The following PUF60 variants were observed in gnomAD, a reference collection of about 807,000 sequenced individuals.
PUF60 encodes the protein poly(U)-binding-splicing factor PUF60.
A neutral mutation model predicts 61.8 loss-of-function variants in PUF60; 10 were observed. The ratio of observed to expected loss-of-function variants is 0.16; its 90% CI spans 0.10 to 0.27. The LOEUF (loss-of-function observed/expected upper bound fraction) is 0.27. Among genes scored for constraint, PUF60 ranks in the 10% least tolerant of loss-of-function variants. The pLI, the probability that PUF60 is intolerant of heterozygous loss-of-function variation, is 1.00. For missense variants in PUF60, 371 were observed against 754.0 expected (o/e 0.49, Z 5.95); for synonymous variants, 353 against 300.9 (o/e 1.17, Z -1.79).
intron 2 of PUF60, chr8:143,822,755 C>T (rs1346776290): frequency 2.8e-6 from 1 of 355,376 alleles, no homozygotes; most frequent in Non-Finnish European, 5.6e-6. Context: ...AAGAACGCAG[C>T]TGTGTGAGCA....
rs1331511277 is a variant in PUF60 at position 143,818,154 on chromosome 8, G to C, written c.603+39C>G. On this transcript the variant is annotated intron_variant, in intron 7 of 11. Transcript: ENST00000526683. The surrounding 1 kb of genome is among the most constrained non-coding windows in gnomAD (Gnocchi z 7.9). The stretch of plus-strand genomic sequence containing the variant: ...AAGGCTTCCGTGGAGGGGCAGCCCT[G>C]CACGCCTGCGGGATCGAGGCCTTGG... The C allele has an allele frequency of 6.3e-7, 1 of 1,599,540 alleles. No individual in the cohort carries two copies. The highest frequency in any genetic ancestry group is 1.3e-5 in the African/African-American group (1 of 74,548).
intron 4 of PUF60, among the ~76,000 whole-genome samples, 154 bp from the exon 5 acceptor site, chr8:143,820,870 A>T (rs1816928492): frequency 1.3e-5 from 2 of 151,960 alleles, no homozygotes; most frequent in African/African-American, 4.8e-5. Context: ...GCACCTGCCC[A>T]GGGGGGCCGC....
Position 143,816,921 on chromosome 8 carries a change from G to A in PUF60, c.1369C>T (p.Arg457Cys). 2 of 1,576,790 alleles carry A rather than the reference G, an allele frequency of 1.3e-6. No individual in the cohort carries two copies. Among genetic ancestry groups the A allele is most frequent in the East Asian group, 2.3e-5 (1 of 43,252 alleles). The part of the protein sequence containing the change: ...ARHMVMQKLL[R>C]KQESTVMVLR... ...GCCCCTCTGCCTACCTCCTGCTTGC[G>A]GAGCAGCTTCTGCATCACCATGTGT... The change falls in exon 11 of 12, where the codon CGC becomes TGC. Residue 457 changes from arginine (R) to cysteine (C), a missense_variant. Around this residue, in one of 13 missense-constraint regions of PUF60, gnomAD observed 38 missense variants for 112.9 expected, o/e 0.34. Transcript: ENST00000526683.
Position 143,824,575 on chromosome 8 carries a change from G to A in PUF60, c.25-176C>T, listed in dbSNP as rs1322738246. 16 of 625,724 alleles carry A rather than the reference G, an allele frequency of 2.6e-5. 1 individual carries two copies. The highest frequency in any genetic ancestry group is 2.1e-4 in the South Asian group (11 of 53,138). The allele number at this position is 625,724 out of a possible 1,614,324, so 38.8% of individuals were successfully genotyped here. On this transcript the variant is annotated intron_variant, in intron 1 of 11. Coordinates refer to ENST00000526683, the MANE Select transcript of PUF60 (RefSeq NM_078480.3). ...GCCCTCTCTTCACACCCATCAGCAC[G>A]CCCAGGGACCCAGTCAGAAGCAGAG... is the stretch of plus-strand genomic sequence containing the variant.
At chr8:143,820,076 C>T (rs7835924) in intron 5 of PUF60, among the ~76,000 whole-genome samples, 11,906 of 152,278 alleles carry the variant, frequency 0.078, 985 homozygotes, top group South Asian at 0.36. Flanking sequence ...CTCCTTCCCA[C>T]ACTCCTCTGC....
Position 143,816,737 on chromosome 8 carries a change from C to G in PUF60, c.1463G>C (p.Gly488Ala), listed in dbSNP as rs1289953730. The change falls in exon 12 of 12, where the codon GGC becomes GCC. Residue 488 changes from glycine (G) to alanine (A), a missense_variant. Transcript: ENST00000526683. ...DLEGEVTEEC[G>A]KFGAVNRVII... ...GACGCGGTTCACGGCCCCGAACTTG[C>G]CACACTCCTCTGTCACCTCCCCTTC... 11 of 1,613,814 alleles carry G rather than the reference C, an allele frequency of 6.8e-6. No homozygotes were observed. Among genetic ancestry groups the G allele is most frequent in the Non-Finnish European group, 9.3e-6 (11 of 1,179,886 alleles).
chr8:143,818,860 C>A lies in PUF60; in HGVS notation c.349-326G>T, dbSNP rs1816693261. The A allele has an allele frequency of 5.5e-6, 2 of 365,214 alleles. No individual in the cohort carries two copies. The highest frequency in any genetic ancestry group is 5.0e-6 in the Non-Finnish European group (1 of 201,114). 22.6% of individuals were successfully genotyped at this position (365,214 alleles called of 1,614,324 possible). On this transcript the variant is annotated intron_variant, in intron 5 of 11. Coordinates refer to ENST00000526683, the MANE Select transcript of PUF60 (RefSeq NM_078480.3). The surrounding 1 kb of genome is among the most constrained non-coding windows in gnomAD (Gnocchi z 7.9). ...CCAGACCACCCCTCCAGTCTGGGGG[C>A]TGGGTATCCCAGGCTGGGCTGGGAG...
Position 143,818,569 on chromosome 8 carries a change from C to T in PUF60, c.349-35G>A, listed in dbSNP as rs372778526. 4.6e-6 allele frequency: 7 copies of T among 1,534,028 alleles called. No individual in the cohort carries two copies. The highest frequency in any genetic ancestry group is 2.0e-5 in the Admixed American group (1 of 51,020). The stretch of plus-strand genomic sequence containing the variant: ...GACAGAGGGGAGAGAACCGCTGGCT[C>T]GTCAGGGGCGGCAGGAAGCTGGGCA... On this transcript the variant is annotated intron_variant, in intron 5 of 11. Transcript: ENST00000526683. This position sits in a 1 kb window ranked among gnomAD's most constrained non-coding sequence, Gnocchi z 7.9.
rs1213347325 is a variant in PUF60 at position 143,824,564 on chromosome 8, C to CGG, written c.25-166_25-165insCC. On this transcript the variant is annotated intron_variant, in intron 1 of 11. Transcript: ENST00000526683. ...CAGCCCAAACTGCCCTCTCTTCACA[C>CGG]CCATCAGCACGCCCAGGGACCCAGT... 1.1e-5 allele frequency: 7 copies of CGG among 650,186 alleles called. No individual in the cohort carries two copies. In the African/African-American group the frequency reaches 1.3e-4, roughly 12 times the overall value. The allele number at this position is 650,186 out of a possible 1,614,324, so 40.3% of individuals were successfully genotyped here.
chr8:143,822,850 G>A (rs1456933430), intron 2 of PUF60: 2 of 326,334 alleles, frequency 6.1e-6, no homozygotes, highest in Non-Finnish European at 1.2e-5. Context: ...CAAGCACAAA[G>A]ATCACTGGCC....
intron 1 of PUF60, among the ~76,000 whole-genome samples, chr8:143,825,812 G>C (rs1455944332): frequency 1.3e-5 from 2 of 152,220 alleles, no homozygotes; most frequent in African/African-American, 2.4e-5. Context: ...TTCACGACCA[G>C]TCTCCAGATA....
intron 5 of PUF60, chr8:143,820,352 C>T (rs764055852): frequency 8.8e-6 from 4 of 455,708 alleles, no homozygotes; most frequent in South Asian, 2.4e-5. Context: ...GGGCACACCC[C>T]GTGCGTGCAG....
rs1352189968 is a variant in PUF60, at chr8:143,817,192, C to A, written c.1145-47G>T. On this transcript the variant is annotated intron_variant, in intron 10 of 11. Coordinates refer to ENST00000526683, the MANE Select transcript of PUF60 (RefSeq NM_078480.3). The surrounding 1 kb of genome is among the most constrained non-coding windows in gnomAD (Gnocchi z 7.4). ...CCATCAGTCACTCCCTACCACCCCC[C>A]TTCCCAGAAAGGCACAGAGCTGGCC... 3.3e-6 allele frequency: 5 copies of A among 1,534,770 alleles called. No individual in the cohort carries two copies. The highest frequency in any genetic ancestry group is 4.4e-6 in the Non-Finnish European group (5 of 1,138,436).
chr8:143,825,167 G>A (rs577548036), intron 1 of PUF60: 1 of 152,434 alleles, frequency 6.6e-6, no homozygotes, highest in East Asian at 1.9e-4. Context: ...GCTGCACAAC[G>A]AGAAGCAAGG....
At chr8:143,829,163 C>G in intron 1 of PUF60, 117 bp downstream of exon 1, 2 of 1,220,390 alleles carry the variant, frequency 1.6e-6, no homozygotes, top group Non-Finnish European at 2.0e-6. Context: ...ACGAGGGAGT[C>G]CGCGCGGGAC....
In PUF60 at chr8:143,818,314, G is replaced by A; in HGVS notation, c.511-29C>T. ...GACACAGGGACACACCTGTCAGGCT[G>A]CGCGAGCCCAGGGGTGGGGGCGAGC... On this transcript the variant is annotated intron_variant, in intron 6 of 11. Transcript: ENST00000526683. This position sits in a 1 kb window ranked among gnomAD's most constrained non-coding sequence, Gnocchi z 7.9. 2 of 1,607,196 alleles carry A rather than the reference G, an allele frequency of 1.2e-6. No individual in the cohort carries two copies. The highest frequency in any genetic ancestry group is 1.1e-5 in the South Asian group (1 of 90,664).
chr8:143,822,458 C>G lies in PUF60; in HGVS notation c.112-545G>C, dbSNP rs570679009. The G allele has an allele frequency of 9.2e-5, 42 of 456,420 alleles. 1 individual carries two copies. The highest frequency in any genetic ancestry group is 4.5e-4 in the South Asian group (29 of 64,568). 28.3% of individuals were successfully genotyped at this position (456,420 alleles called of 1,614,324 possible). ...GGCCTCTCTCCCAACAGTGCTCCCC[C>G]CACCGTCCCCGCAGGCACTGTGCAC... On this transcript the variant is annotated intron_variant, in intron 2 of 11. Transcript: ENST00000526683.
chr8:143,821,375 G>C, intron 4 of PUF60: 1 of 600,334 alleles, frequency 1.7e-6, no homozygotes, highest in East Asian at 2.8e-5. Flanking sequence ...AGCCAAGAAA[G>C]GGGCTGCGGC....
In PUF60 at chr8:143,816,706, G is replaced by A; in HGVS notation, c.1494C>T (p.Ile498=). 3 of 1,613,892 alleles carry A rather than the reference G, an allele frequency of 1.9e-6. No homozygotes were observed. Among genetic ancestry groups the A allele is most frequent in the Non-Finnish European group, 1.7e-6 (2 of 1,179,888 alleles). Residue 498 remains isoleucine, a synonymous_variant, in exon 12 of 12, where the codon ATC becomes ATT. Coordinates refer to ENST00000526683, the MANE Select transcript of PUF60 (RefSeq NM_078480.3). The part of the protein sequence containing the change: ...GKFGAVNRVI[I]YQEKQGEEED... ...CCTCCTCGCCTTGTTTCTCTTGGTA[G>A]ATGATGACGCGGTTCACGGCCCCGA...
Sources: allele counts gnomAD v4.1 joint callset (sites outside exome capture counted in the v4.1 genomes callset), GRCh38; gene constraint gnomAD v4.1.1; regional missense constraint gnomAD v4.1.1; non-coding constraint Gnocchi (gnomAD v3.1); transcripts MANE v1.5; gene names NCBI Gene and HGNC (gene_info 2026-07-23, HGNC 2026-07-21).